The following ADAM7 variants were observed in gnomAD, a reference collection of about 807,000 sequenced individuals.
ADAM7 encodes disintegrin and metalloproteinase domain-containing protein 7.
A neutral mutation model predicts 102.9 loss-of-function variants in ADAM7; 97 were observed. The ratio of observed to expected loss-of-function variants is 0.94; its 90% CI spans 0.80 to 1.12. The LOEUF (loss-of-function observed/expected upper bound fraction) is 1.12, where lower values mean the gene tolerates loss of function less well. Among genes scored for constraint, ADAM7 ranks in the 50% most tolerant of loss-of-function variants. The pLI is 0.00. For synonymous variants in ADAM7, 334 were observed against 304.4 expected (o/e 1.10, Z -1.01); for missense variants, 991 against 908.7 (o/e 1.09, Z -1.16).
chr8:24,447,052 T>G, intron 2 of ADAM7, 134 bp from the exon 3 acceptor site: 2 of 454,404 alleles, frequency 4.4e-6, no homozygotes, highest in South Asian at 1.4e-4. Flanking sequence ...TTCATCTTTA[T>G]CAGTATTTTG....
chr8:24,480,763 T>C (rs923462841), intron 8 of ADAM7, among the ~76,000 whole-genome samples: 2 of 152,086 alleles, frequency 1.3e-5, no homozygotes, highest in East Asian at 1.9e-4. Flanking sequence ...GTCAAGATCC[T>C]GGTGTGGTGA....
chr8:24,489,267 T>G lies in ADAM7; in HGVS notation c.1200T>G (p.His400Gln). The part of the protein sequence containing the change: ...MLNIPFPYNF[H>Q]DFQFCGNKKL... ...ACATTCCATTTCCTTACAATTTTCATGATTTCCAATTTTGTGGAAACAAGA... is the reference window on the plus strand; with the variant it reads ...ACATTCCATTTCCTTACAATTTTCAGGATTTCCAATTTTGTGGAAACAAGA... The change falls in exon 12 of 22, where the codon CAT becomes CAG. Residue 400 changes from histidine (H) to glutamine (Q), a missense_variant. Transcript: ENST00000175238. 6 of 1,613,660 alleles carry G rather than the reference T, an allele frequency of 3.7e-6. No homozygotes were observed. The highest frequency in any genetic ancestry group is 4.2e-6 in the Non-Finnish European group (5 of 1,179,712).
intron 7 of ADAM7, among the ~76,000 whole-genome samples, chr8:24,475,112 A>C (rs1819726567): frequency 6.6e-6 from 1 of 152,180 alleles, no homozygotes; most frequent in Non-Finnish European, 1.5e-5. Context: ...AGCAGAACAC[A>C]AATGTCTGAA....
chr8:24,450,780 G>T (rs1818752741), intron 3 of ADAM7, among the ~76,000 whole-genome samples: 1 of 152,080 alleles, frequency 6.6e-6, no homozygotes, highest in South Asian at 2.1e-4. Context: ...GATATTGGCT[G>T]TGGGTTTGTC....
intron 17 of ADAM7, 57 bp from the exon 18 acceptor site, chr8:24,500,121 T>C (rs1820704446): frequency 6.7e-7 from 1 of 1,485,136 alleles, no homozygotes; most frequent in Non-Finnish European, 9.2e-7. Context: ...AGTAAGTGAG[T>C]TGCAGAACAC....
intron 3 of ADAM7, among the ~76,000 whole-genome samples, chr8:24,456,764 G>A (rs536406257): frequency 3.3e-5 from 5 of 151,750 alleles, no homozygotes; most frequent in Middle Eastern, 3.2e-3. Flanking sequence ...ATTCATTCAT[G>A]CTGCTGCATT....
At chr8:24,441,715 C>T (rs1444958221) in intron 1 of ADAM7, among the ~76,000 whole-genome samples, 1 of 152,134 alleles carries the variant, frequency 6.6e-6, no homozygotes, top group African/African-American at 2.4e-5. Context: ...TGCAGGGCTA[C>T]CCAAAATTCT....
intron 1 of ADAM7, among the ~76,000 whole-genome samples, chr8:24,441,537 A>G (rs1331096782): frequency 6.6e-6 from 1 of 152,240 alleles, no homozygotes; most frequent in Non-Finnish European, 1.5e-5. Context: ...ACTGCTGGCC[A>G]CACAATAAAT....
chr8:24,444,283 A>T (rs535378964), intron 2 of ADAM7, among the ~76,000 whole-genome samples: 207 of 151,010 alleles, frequency 1.4e-3, no homozygotes, highest in Middle Eastern at 3.4e-3. Context: ...ATAAATAAAT[A>T]AATTAAATAA....
intron 2 of ADAM7, among the ~76,000 whole-genome samples, chr8:24,442,865 C>T (rs950197659): frequency 6.6e-6 from 1 of 152,084 alleles, no homozygotes; most frequent in African/African-American, 2.4e-5. Flanking sequence ...TGAGCCGGTG[C>T]CTGGTGAATG....
chr8:24,482,400 A>G, intron 9 of ADAM7, 89 bp downstream of exon 9: 2 of 1,403,398 alleles, frequency 1.4e-6, no homozygotes, highest in Non-Finnish European at 2.0e-6. Context: ...AACATTTTTT[A>G]AGCATTTGAC....
intron 16 of ADAM7, among the ~76,000 whole-genome samples, chr8:24,495,198 C>T (rs1429973553): frequency 6.6e-6 from 1 of 152,144 alleles, no homozygotes; most frequent in Non-Finnish European, 1.5e-5. Flanking sequence ...GATCCTATAG[C>T]TCATAGTCCC....
chr8:24,495,641 A>G (rs184226481), intron 16 of ADAM7, among the ~76,000 whole-genome samples: 1 of 152,350 alleles, frequency 6.6e-6, no homozygotes, highest in Admixed American at 6.5e-5. Flanking sequence ...AAACAGGAGC[A>G]AAGATGACTC....
chr8:24,449,114 C>T (rs1273748748), intron 3 of ADAM7, among the ~76,000 whole-genome samples: 2 of 152,284 alleles, frequency 1.3e-5, no homozygotes, highest in Admixed American at 6.5e-5. Context: ...AATAAACATA[C>T]TTGTGCCTGT....
intron 7 of ADAM7, among the ~76,000 whole-genome samples, chr8:24,471,661 G>A (rs1030082606): frequency 2.0e-5 from 3 of 151,972 alleles, no homozygotes; most frequent in Admixed American, 1.3e-4. Flanking sequence ...GTGTACGTAT[G>A]CTTTATGATG....
intron 3 of ADAM7, among the ~76,000 whole-genome samples, chr8:24,450,986 C>T (rs1818762895): frequency 6.6e-6 from 1 of 152,006 alleles, no homozygotes; most frequent in African/African-American, 2.4e-5. Flanking sequence ...AGCCTTGCAT[C>T]CCAGGGATGA....
At chr8:24,501,431 T>C in intron 19 of ADAM7, 46 bp from the exon 20 acceptor site, 1 of 1,370,344 alleles carries the variant, frequency 7.3e-7, no homozygotes, top group Non-Finnish European at 1.0e-6. Flanking sequence ...ATAACCTGAA[T>C]AGCCCTATAT....
intron 10 of ADAM7, 129 bp downstream of exon 10, chr8:24,485,490 C>G (rs1820110448): frequency 7.5e-6 from 5 of 669,152 alleles, no homozygotes; most frequent in Non-Finnish European, 1.2e-5. Flanking sequence ...CATGAACAGA[C>G]TGTTATGCTT....
In ADAM7 at chr8:24,461,237, C is replaced by A. The variant is rs552184547; in HGVS notation, c.234-2645C>A. ...TCGATCTCCTGATCTCGTGATCCAC[C>A]CGCCTCAGCCTCCCAAAGTGTTCGG... is the stretch of plus-strand genomic sequence containing the variant. On this transcript the variant is annotated intron_variant, in intron 3 of 21. Transcript: ENST00000175238. 5.3e-5 allele frequency among the ~76,000 whole-genome samples: 8 copies of A among 152,084 alleles called. 1 individual carries two copies. Among genetic ancestry groups the A allele is most frequent in the African/African-American group, 1.9e-4 (8 of 41,384 alleles).
Sources: allele counts gnomAD v4.1 joint callset (sites outside exome capture counted in the v4.1 genomes callset), GRCh38; gene constraint gnomAD v4.1.1; transcripts MANE v1.5; gene names NCBI Gene and HGNC (gene_info 2026-07-23, HGNC 2026-07-21).